Variants in PCDH7 observed in about 807,000 individuals in gnomAD.
PCDH7 encodes protocadherin 7.
In PCDH7, 17 loss-of-function variants were observed where a neutral mutation model predicts 58.9. The ratio of observed to expected loss-of-function variants is 0.29; its 90% CI spans 0.20 to 0.43. PCDH7 has a LOEUF of 0.43. PCDH7 is among the 20% of genes least tolerant of loss of function. The probability of loss-of-function intolerance (pLI) is 1.00; values close to 1 mark genes in which losing one functional copy is unlikely to be tolerated. For synonymous variants in PCDH7, 664 were observed against 616.4 expected (o/e 1.08, Z -1.14); for missense variants, 1,274 against 1,441.0 (o/e 0.88, Z 1.88).
At chr4:30,952,636 G>T (rs549642282) in intron 3 of PCDH7, among the ~76,000 whole-genome samples, 42 of 152,216 alleles carry the variant, frequency 2.8e-4, no homozygotes, top group African/African-American at 8.4e-4. Context: ...TAGAGAAAAA[G>T]AAGTTTATTT....
chr4:30,816,899 A>G (rs1281885884), intron 1 of PCDH7, among the ~76,000 whole-genome samples: 2 of 152,126 alleles, frequency 1.3e-5, no homozygotes, highest in South Asian at 2.1e-4. Context: ...TTGCATTCCA[A>G]TGTAGAAGAA....
intron 1 of PCDH7, among the ~76,000 whole-genome samples, chr4:30,897,200 G>A (rs543856786): frequency 4.6e-5 from 7 of 152,048 alleles, no homozygotes; most frequent in East Asian, 3.9e-4. Flanking sequence ...CACCGCGCCC[G>A]GCCTCCCAGT....
chr4:30,929,045 A>G (rs1744236211), intron 2 of PCDH7, among the ~76,000 whole-genome samples: 3 of 152,304 alleles, frequency 2.0e-5, no homozygotes, highest in Middle Eastern at 3.4e-3. Flanking sequence ...CTGCTTATAA[A>G]CATGGATAAT....
At chr4:30,731,997 T>C (rs996141575) in exon 2 of PCDH7, 9 of 152,156 alleles carry the variant, frequency 5.9e-5, no homozygotes, top group African/African-American at 2.2e-4. Flanking sequence ...CAAGATTTTT[T>C]GGTGAATCAC....
chr4:30,959,185 T>C (rs1748148487), intron 3 of PCDH7, among the ~76,000 whole-genome samples: 1 of 152,088 alleles, frequency 6.6e-6, no homozygotes, highest in East Asian at 1.9e-4. Flanking sequence ...AGAATGACTG[T>C]TTTTGAAATT....
chr4:31,035,167 A>G (rs537714387), intron 3 of PCDH7, among the ~76,000 whole-genome samples: 1 of 150,800 alleles, frequency 6.6e-6, no homozygotes, highest in Non-Finnish European at 1.5e-5. Context: ...CCAGTAAGAT[A>G]TGTACTTGTC....
At chr4:31,056,300 C>G (rs1018191147) in intron 3 of PCDH7, among the ~76,000 whole-genome samples, 3 of 149,556 alleles carry the variant, frequency 2.0e-5, no homozygotes, top group Admixed American at 1.3e-4. Context: ...CCGAGGAGGT[C>G]GAAGCTGTAG....
At chr4:30,779,375 T>C (rs1241426334) in intron 1 of PCDH7, among the ~76,000 whole-genome samples, 1 of 152,196 alleles carries the variant, frequency 6.6e-6, no homozygotes, top group Non-Finnish European at 1.5e-5. Context: ...TAATGTAATG[T>C]CTTTCTTGTA....
chr4:30,929,730 G>A (rs2109424588), intron 2 of PCDH7, among the ~76,000 whole-genome samples: 1 of 152,184 alleles, frequency 6.6e-6, no homozygotes, highest in East Asian at 1.9e-4. Context: ...TCAATGCTTA[G>A]CGTCTACATT....
intron 1 of PCDH7, among the ~76,000 whole-genome samples, chr4:30,808,052 C>T (rs1199567832): frequency 1.3e-5 from 2 of 152,166 alleles, no homozygotes; most frequent in Non-Finnish European, 2.9e-5. Context: ...AGGCACATCT[C>T]TGTGTTGGTG....
chr4:31,072,466 A>G (rs1758628039), intron 3 of PCDH7, among the ~76,000 whole-genome samples: 1 of 152,124 alleles, frequency 6.6e-6, no homozygotes, highest in African/African-American at 2.4e-5. Context: ...AAAAGGAGGC[A>G]TTGACAATGT....
chr4:31,094,722 C>CA (rs894376374), intron 3 of PCDH7, among the ~76,000 whole-genome samples: 66 of 151,170 alleles, frequency 4.4e-4, no homozygotes, highest in Admixed American at 2.9e-3. Flanking sequence ...CATAAACAAA[C>CA]AAAAAAAAAT....
intron 1 of PCDH7, among the ~76,000 whole-genome samples, chr4:30,919,048 C>T (rs2109413572): frequency 6.6e-6 from 1 of 152,134 alleles, no homozygotes; most frequent in African/African-American, 2.4e-5. Context: ...ATTTTGTAAA[C>T]TTTCATTATT....
At chr4:31,085,186 T>C (rs888627576) in intron 3 of PCDH7, among the ~76,000 whole-genome samples, 4 of 151,840 alleles carry the variant, frequency 2.6e-5, no homozygotes, top group Admixed American at 1.3e-4. Context: ...GATGAAATCA[T>C]AGGGAGTCGG....
chr4:30,925,232 A>C (rs1177575684), intron 2 of PCDH7, among the ~76,000 whole-genome samples: 1 of 152,194 alleles, frequency 6.6e-6, no homozygotes, highest in African/African-American at 2.4e-5. Context: ...TTGAAATATC[A>C]TTGAGAATAA....
chr4:30,846,645 C>A (rs1163190599), intron 1 of PCDH7, among the ~76,000 whole-genome samples: 2 of 152,092 alleles, frequency 1.3e-5, no homozygotes, highest in Non-Finnish European at 2.9e-5. Context: ...TAGTGCCACC[C>A]AAGTTGTGAG....
chr4:31,078,038 G>A (rs964354990), intron 3 of PCDH7, among the ~76,000 whole-genome samples: 4 of 152,128 alleles, frequency 2.6e-5, no homozygotes, highest in Admixed American at 2.0e-4. Flanking sequence ...CTGGCTTATA[G>A]CTGTTTTTAC....
chr4:30,940,719 C>T (rs5014904), intron 2 of PCDH7, among the ~76,000 whole-genome samples: 29,788 of 151,850 alleles, frequency 0.2, 3,682 homozygotes, highest in East Asian at 0.29. Context: ...AGGTCCTTTA[C>T]GTATAATAGC....
chr4:30,785,358 CT>C (rs1723260742), intron 1 of PCDH7, among the ~76,000 whole-genome samples: 1 of 151,918 alleles, frequency 6.6e-6, no homozygotes, highest in African/African-American at 2.4e-5. Flanking sequence ...TTAACATGAA[CT>C]TTCTGAAACT....
Sources: allele counts gnomAD v4.1 joint callset (sites outside exome capture counted in the v4.1 genomes callset), GRCh38; gene constraint gnomAD v4.1.1; transcripts MANE v1.5; gene names NCBI Gene and HGNC (gene_info 2026-07-23, HGNC 2026-07-21).